The following LINGO2 variants were observed in gnomAD, a reference collection of about 807,000 sequenced individuals.
The protein encoded by LINGO2 is leucine-rich repeat and immunoglobulin-like domain-containing nogo receptor-interacting protein 2.
LINGO2 carries 14 observed loss-of-function variants against 30.6 expected under a neutral mutation model. That is an observed-to-expected ratio of 0.46 (90% CI 0.30 to 0.72). The LOEUF is 0.72. Ranked by LOEUF, LINGO2 falls within the 30% of genes least tolerant of loss-of-function variation. The pLI is 0.07. For missense variants in LINGO2, 729 were observed against 751.7 expected (o/e 0.97, Z 0.35); for synonymous variants, 317 against 288.5 (o/e 1.10, Z -1.00).
the LINGO2 span, among the ~76,000 whole-genome samples, chr9:28,701,521 T>G: frequency 6.6e-6 from 1 of 152,174 alleles, no homozygotes; most frequent in East Asian, 1.9e-4. Flanking sequence ...TGTCTATTCT[T>G]GCTTCAATAC....
intron 2 of LINGO2, among the ~76,000 whole-genome samples, chr9:28,427,547 A>C (rs1006050127): frequency 3.3e-5 from 5 of 152,176 alleles, no homozygotes; most frequent in African/African-American, 1.2e-4. Context: ...TCATTTGCTT[A>C]AATTCTACAA....
the LINGO2 span, chr9:27,939,062 ATTTAC>A: frequency 6.6e-6 from 1 of 152,186 alleles, no homozygotes; most frequent in Non-Finnish European, 1.5e-5. Context: ...TATAGAATGT[ATTTAC>A]TTATCAATTT....
intron 1 of LINGO2, among the ~76,000 whole-genome samples, chr9:28,612,493 T>C (rs1825962449): frequency 6.6e-6 from 1 of 152,164 alleles, no homozygotes; most frequent in Admixed American, 6.5e-5. Context: ...TGCCCAAGGC[T>C]GTGGGAGTGA....
intron 2 of LINGO2, among the ~76,000 whole-genome samples, chr9:28,378,175 A>T (rs1423858698): frequency 6.6e-6 from 1 of 152,238 alleles, no homozygotes; most frequent in East Asian, 1.9e-4. Context: ...CCTCAGACAG[A>T]AAAGTAAAAC....
intron 1 of LINGO2, among the ~76,000 whole-genome samples, chr9:28,499,800 C>G (rs1183063299): frequency 1.3e-5 from 2 of 152,182 alleles, no homozygotes; most frequent in African/African-American, 4.8e-5. Context: ...CAGAACTTCT[C>G]TCTCCTACAA....
At chr9:28,288,962 T>C (rs1823620059) in intron 4 of LINGO2, among the ~76,000 whole-genome samples, 2 of 152,222 alleles carry the variant, frequency 1.3e-5, no homozygotes, top group Non-Finnish European at 2.9e-5. Context: ...CCTGTCTTTA[T>C]AGCTTAATGT....
At chr9:28,810,991 G>C in the LINGO2 span, among the ~76,000 whole-genome samples, 1 of 151,924 alleles carries the variant, frequency 6.6e-6, no homozygotes, top group Non-Finnish European at 1.5e-5. Flanking sequence ...GACCACTATA[G>C]CTTCTTATTT....
At chr9:28,488,964 T>C (rs1826280189) in intron 1 of LINGO2, among the ~76,000 whole-genome samples, 2 of 152,236 alleles carry the variant, frequency 1.3e-5, no homozygotes, top group Non-Finnish European at 2.9e-5. Flanking sequence ...TTTTGAAATT[T>C]ACAAAATGTT....
chr9:28,652,171 C>T (rs1202368506), intron 1 of LINGO2, among the ~76,000 whole-genome samples: 1 of 152,054 alleles, frequency 6.6e-6, no homozygotes, highest in Non-Finnish European at 1.5e-5. Context: ...TTTCTCACTT[C>T]TCCCTCCCTA....
intron 4 of LINGO2, among the ~76,000 whole-genome samples, chr9:28,196,236 C>T (rs944186328): frequency 6.6e-6 from 1 of 151,318 alleles, no homozygotes; most frequent in Non-Finnish European, 1.5e-5. Flanking sequence ...TATCATCAAA[C>T]TATTTAATAT....
At chr9:29,155,515 T>C in the LINGO2 span, among the ~76,000 whole-genome samples, 2 of 151,582 alleles carry the variant, frequency 1.3e-5, no homozygotes, top group Non-Finnish European at 2.9e-5. Flanking sequence ...GTGACCTAGA[T>C]ATTTTTCATT....
intron 2 of LINGO2, among the ~76,000 whole-genome samples, chr9:28,454,698 T>C (rs1432464986): frequency 1.3e-5 from 2 of 152,014 alleles, no homozygotes; most frequent in Non-Finnish European, 2.9e-5. Flanking sequence ...GAAGCAATAC[T>C]GCAAAAGGAA....
intron 5 of LINGO2, among the ~76,000 whole-genome samples, chr9:27,981,973 C>T (rs1253567040): frequency 6.6e-6 from 1 of 151,810 alleles, no homozygotes; most frequent in African/African-American, 2.4e-5. Context: ...GCCACACCGT[C>T]TGATTCTATA....
the LINGO2 span, among the ~76,000 whole-genome samples, chr9:28,743,675 T>C: frequency 1.3e-5 from 2 of 152,056 alleles, no homozygotes; most frequent in Non-Finnish European, 2.9e-5. Context: ...ATCTAATAAA[T>C]TGAACTGCCC....
the LINGO2 span, among the ~76,000 whole-genome samples, chr9:28,965,784 A>T: frequency 2.6e-5 from 4 of 152,104 alleles, no homozygotes; most frequent in African/African-American, 9.7e-5. Context: ...ATCTCCACTG[A>T]TCAAACACAA....
chr9:28,341,754 T>A (rs1447654277), intron 3 of LINGO2, among the ~76,000 whole-genome samples: 3 of 152,238 alleles, frequency 2.0e-5, no homozygotes, highest in African/African-American at 7.2e-5. Flanking sequence ...TAGATAAGTA[T>A]CCTAGACTGG....
At chr9:28,312,213 T>A (rs1206208197) in intron 3 of LINGO2, among the ~76,000 whole-genome samples, 1 of 151,286 alleles carries the variant, frequency 6.6e-6, no homozygotes, top group Non-Finnish European at 1.5e-5. Flanking sequence ...TTTGAAATTG[T>A]CCTTACCGAG....
chr9:28,606,154 T>C (rs746004407), intron 1 of LINGO2, among the ~76,000 whole-genome samples: 9 of 152,022 alleles, frequency 5.9e-5, no homozygotes, highest in Non-Finnish European at 1.0e-4. Context: ...TGAGAAGATG[T>C]TTTGATATGT....
At chr9:28,007,768 C>A (rs576450444) in intron 5 of LINGO2, among the ~76,000 whole-genome samples, 10 of 152,174 alleles carry the variant, frequency 6.6e-5, no homozygotes, top group Admixed American at 2.0e-4. Flanking sequence ...GGTTGGATGG[C>A]AAACACACCA....
Sources: allele counts gnomAD v4.1 joint callset (sites outside exome capture counted in the v4.1 genomes callset), GRCh38; gene constraint gnomAD v4.1.1; transcripts MANE v1.5; gene names NCBI Gene and HGNC (gene_info 2026-07-23, HGNC 2026-07-21).